The following SMC3 variants were observed in gnomAD, a reference collection of about 807,000 sequenced individuals.
The protein encoded by SMC3 is structural maintenance of chromosomes 3.
Under a neutral mutation model 171.8 loss-of-function variants are expected in SMC3, and 20 were observed. The observed-to-expected ratio is 0.12, with a 90% confidence interval of 0.08 to 0.17. SMC3 has a LOEUF of 0.17. Among genes scored for constraint, SMC3 ranks in the 10% least tolerant of loss-of-function variants. SMC3 has a pLI of 1.00. For missense variants in SMC3, 543 were observed against 1,420.4 expected (o/e 0.38, Z 9.93); for synonymous variants, 464 against 451.1 (o/e 1.03, Z -0.36).
chr10:110,573,587 A>C (rs1377325500), intron 2 of SMC3, 120 bp from the exon 3 acceptor site: 1 of 636,714 alleles, frequency 1.6e-6, no homozygotes. Context: ...GTTTAATTTC[A>C]GATGTTAAGA....
At chr10:110,580,759 C>T (rs546145048) in intron 7 of SMC3, 145 bp from the exon 8 acceptor site, 11 of 661,428 alleles carry the variant, frequency 1.7e-5, no homozygotes, top group South Asian at 1.6e-4. Flanking sequence ...TTGAAAAAAT[C>T]TAAAATCTGT....
At chr10:110,576,663 T>A (rs1268719592) in intron 4 of SMC3, among the ~76,000 whole-genome samples, 1 of 152,206 alleles carries the variant, frequency 6.6e-6, no homozygotes, top group African/African-American at 2.4e-5. Flanking sequence ...CCTTGTTTAG[T>A]TTGAATTTGT....
intron 2 of SMC3, among the ~76,000 whole-genome samples, chr10:110,572,640 G>A (rs1283966362): frequency 6.6e-6 from 1 of 151,972 alleles, no homozygotes; most frequent in Non-Finnish European, 1.5e-5. Flanking sequence ...TTTTTCCCTT[G>A]CAGCTAATAA....
At chr10:110,570,149 G>A (rs1413241884) in intron 2 of SMC3, among the ~76,000 whole-genome samples, 1 of 152,180 alleles carries the variant, frequency 6.6e-6, no homozygotes, top group African/African-American at 2.4e-5. Flanking sequence ...GTCTTGCTGT[G>A]TGCTCACATG....
In SMC3 at chr10:110,582,034, G is replaced by A; in HGVS notation, c.659G>A (p.Arg220Lys). 1 of 1,613,772 alleles carries A rather than the reference G, an allele frequency of 6.2e-7. No individual in the cohort carries two copies. The highest frequency in any genetic ancestry group is 8.5e-7 in the Non-Finnish European group (1 of 1,179,788). The change falls in exon 9 of 29, where the codon AGA becomes AAA. Residue 220 changes from arginine (R) to lysine (K), a missense_variant. Around this residue, in one of 8 missense-constraint regions of SMC3, gnomAD observed 146 missense variants for 437.9 expected, o/e 0.33. Transcript: ENST00000361804. Reference protein sequence around the residue: ...LAQYQKWDKMRRALEYTIYNQ... With the variant: ...LAQYQKWDKMKRALEYTIYNQ... The stretch of plus-strand genomic sequence containing the variant: ...CAGTATCAGAAGTGGGATAAAATGA[G>A]ACGAGCCCTGGAATATACCATTTAC...
At chr10:110,597,625 G>T (rs1861320423) in intron 19 of SMC3, among the ~76,000 whole-genome samples, 1 of 152,162 alleles carries the variant, frequency 6.6e-6, no homozygotes, top group Non-Finnish European at 1.5e-5. Context: ...CCTGAATTTG[G>T]CAAGATGTTA....
Position 110,591,032 on chromosome 10 carries a change from A to G in SMC3, c.1712A>G (p.Lys571Arg), listed in dbSNP as rs1305815521. Residue 571 changes from lysine to arginine, a missense_variant, in exon 17 of 29, where the codon AAG becomes AGG. Lys to Arg is a conservative substitution (Grantham distance 26, BLOSUM62 2). Transcript: ENST00000361804. ...HIVDSDEVST[K>R]ILMEFNKMNL... is the part of the protein sequence containing the mutation. ...GTTGATTCAGATGAAGTCAGCACGAAGATTTTAATGGAGTTTAATAAAATG... is the reference window on the plus strand; with the variant it reads ...GTTGATTCAGATGAAGTCAGCACGAGGATTTTAATGGAGTTTAATAAAATG... The G allele has an allele frequency of 1.2e-6, 2 of 1,613,206 alleles. No individual in the cohort carries two copies. The highest frequency in any genetic ancestry group is 2.2e-5 in the East Asian group (1 of 44,868).
chr10:110,583,684 T>A (rs1285834707), intron 11 of SMC3, 136 bp downstream of exon 11: 1 of 1,192,826 alleles, frequency 8.4e-7, no homozygotes, highest in Non-Finnish European at 1.2e-6. Flanking sequence ...TGTACTCAAG[T>A]AACAACTTGG....
At chr10:110,575,953 C>A (rs577405866) in intron 4 of SMC3, among the ~76,000 whole-genome samples, 3 of 152,272 alleles carry the variant, frequency 2.0e-5, no homozygotes, top group African/African-American at 7.2e-5. Context: ...GCAAACTAAA[C>A]AACATACAAG....
At chr10:110,588,732 G>T (rs1861162119) in intron 13 of SMC3, among the ~76,000 whole-genome samples, 1 of 152,148 alleles carries the variant, frequency 6.6e-6, no homozygotes, top group African/African-American at 2.4e-5. Flanking sequence ...GCTCAGTATA[G>T]TCTACTAAAT....
intron 13 of SMC3, among the ~76,000 whole-genome samples, chr10:110,586,671 T>G (rs1039855622): frequency 6.6e-6 from 1 of 151,978 alleles, no homozygotes; most frequent in African/African-American, 2.4e-5. Context: ...GTAAATAGCC[T>G]TTTTTTTGAG....
Position 110,567,717 on chromosome 10 carries a change from G to A in SMC3, c.-100G>A, listed in dbSNP as rs1860791954. ...TTTGTTTGGCTGAGGGGAGCGAGCG[G>A]CGCTTTGGGGGAGGGGTCGCGTAGG... is the stretch of plus-strand genomic sequence containing the variant. On this transcript the variant is annotated 5_prime_UTR_variant, in exon 1 of 29. Transcript: ENST00000361804. 1.2e-5 allele frequency: 17 copies of A among 1,450,388 alleles called. No individual in the cohort carries two copies. Among genetic ancestry groups the A allele is most frequent in the Non-Finnish European group, 1.4e-5 (15 of 1,038,412 alleles). The allele number at this position is 1,450,388 out of a possible 1,614,324, so 89.8% of individuals were successfully genotyped here.
Position 110,580,963 on chromosome 10 carries a change from T to C in SMC3, c.489T>C (p.Ala163=). 1 of 1,611,394 alleles carries C rather than the reference T, an allele frequency of 6.2e-7. No homozygotes were observed. The highest frequency in any genetic ancestry group is 8.5e-7 in the Non-Finnish European group (1 of 1,177,542). ...GATTAAAGCTATTAAGAGAAGTAGCTGGTACTAGAGTGTATGACGAACGAA... is the reference window on the plus strand; with the variant it reads ...GATTAAAGCTATTAAGAGAAGTAGCCGGTACTAGAGTGTATGACGAACGAA... ...SQRLKLLREV[A]GTRVYDERKE... Residue 163 remains alanine (A), a synonymous_variant, in exon 8 of 29, where the codon GCT becomes GCC. Coordinates refer to ENST00000361804, the MANE Select transcript of SMC3 (RefSeq NM_005445.4).
Position 110,593,154 on chromosome 10 carries a change from A to C in SMC3, c.1894A>C (p.Ile632Leu). Residue 632 changes from isoleucine (I) to leucine (L), a missense_variant, in exon 18 of 29, where the codon ATT becomes CTT. Coordinates refer to ENST00000361804, the MANE Select transcript of SMC3 (RefSeq NM_005445.4). ...CAAACATGTGTTTGGAAAGACTCTTATTTGTCGTAGCATGGAAGTTTCAAC... is the reference window on the plus strand; with the variant it reads ...CAAACATGTGTTTGGAAAGACTCTTCTTTGTCGTAGCATGGAAGTTTCAAC... ...AFKHVFGKTL[I>L]CRSMEVSTQL... The C allele has an allele frequency of 6.2e-7, 1 of 1,614,128 alleles. No homozygotes were observed. The highest frequency in any genetic ancestry group is 8.5e-7 in the Non-Finnish European group (1 of 1,179,964).
intron 2 of SMC3, among the ~76,000 whole-genome samples, chr10:110,569,845 C>G (rs550164235): frequency 6.6e-6 from 1 of 152,138 alleles, no homozygotes; most frequent in African/African-American, 2.4e-5. Flanking sequence ...GTGCATTTTG[C>G]TGATACAGCT....
chr10:110,588,825 G>A (rs1861163683), intron 13 of SMC3, among the ~76,000 whole-genome samples: 1 of 152,110 alleles, frequency 6.6e-6, no homozygotes, highest in Non-Finnish European at 1.5e-5. Context: ...GTTCTGCCAA[G>A]ATTTTTAACT....
intron 19 of SMC3, among the ~76,000 whole-genome samples, chr10:110,597,721 C>T (rs968523126): frequency 6.6e-6 from 1 of 152,208 alleles, no homozygotes; most frequent in Admixed American, 6.5e-5. Flanking sequence ...GATAATCCAG[C>T]TAGATTGAAT....
chr10:110,579,757 A>G (rs554559321), intron 7 of SMC3, among the ~76,000 whole-genome samples: 109 of 152,312 alleles, frequency 7.2e-4, no homozygotes, highest in Middle Eastern at 6.8e-3. Flanking sequence ...GCATGAACCA[A>G]TATGTATAAT....
rs1302419053 is a variant in SMC3 at position 110,577,337 on chromosome 10, T to C, written c.199-84T>C. 2.9e-5 allele frequency: 29 copies of C among 1,013,652 alleles called. No individual in the cohort carries two copies. In the East Asian group the frequency reaches 6.9e-4, roughly 24 times the overall value. 62.8% of individuals were successfully genotyped at this position (1,013,652 alleles called of 1,614,324 possible). A position where few individuals can be genotyped will look rare whatever the true frequency, so the allele number is the denominator to read the frequency against. On this transcript the variant is annotated intron_variant, in intron 4 of 28. Coordinates refer to ENST00000361804, the MANE Select transcript of SMC3 (RefSeq NM_005445.4). ...TTTTTCTCCATTGAATCAGACTTGT[T>C]ATTATGCCCTAGACTTTAAGAATCC...
Sources: allele counts gnomAD v4.1 joint callset (sites outside exome capture counted in the v4.1 genomes callset), GRCh38; gene constraint gnomAD v4.1.1; regional missense constraint gnomAD v4.1.1; transcripts MANE v1.5; gene names NCBI Gene and HGNC (gene_info 2026-07-23, HGNC 2026-07-21).